The following ADGRV1 variants were observed in gnomAD, a reference collection of about 807,000 sequenced individuals.
The protein encoded by ADGRV1 is G-protein coupled receptor 98.
A neutral mutation model predicts 596.2 loss-of-function variants in ADGRV1; 359 were observed. The ratio of observed to expected loss-of-function variants is 0.60; its 90% CI spans 0.55 to 0.66. The LOEUF (loss-of-function observed/expected upper bound fraction) is 0.66, where lower values mean the gene tolerates loss of function less well. ADGRV1 is among the 30% of genes least tolerant of loss of function. The pLI is 0.00. For synonymous variants in ADGRV1, 2,681 were observed against 2,679.2 expected, an observed-to-expected ratio of 1.00 and a Z score of -0.02; for missense variants, 7,274 against 7,575.6, an observed-to-expected ratio of 0.96 and a Z score of 1.48.
At chr5:90,867,597 A>C (rs1561871086) in intron 83 of ADGRV1, among the ~76,000 whole-genome samples, 1 of 152,200 alleles carries the variant, frequency 6.6e-6, no homozygotes, top group Non-Finnish European at 1.5e-5. Flanking sequence ...ATCTTTGTGC[A>C]TGACTAAAGG....
chr5:90,822,013 G>C (rs1465089899), intron 75 of ADGRV1: 1 of 157,396 alleles, frequency 6.4e-6, no homozygotes, highest in African/African-American at 2.4e-5. Context: ...CCCTCCCCCA[G>C]CCTCGCTGCC....
intron 34 of ADGRV1, among the ~76,000 whole-genome samples, chr5:90,698,572 A>T (rs1561549525): frequency 6.6e-6 from 1 of 152,146 alleles, no homozygotes; most frequent in Non-Finnish European, 1.5e-5. Flanking sequence ...TTTGAGTTGG[A>T]AGCATAATGA....
intron 87 of ADGRV1, among the ~76,000 whole-genome samples, chr5:91,145,360 C>G (rs1454222532): frequency 3.3e-5 from 5 of 152,346 alleles, no homozygotes; most frequent in African/African-American, 1.2e-4. Flanking sequence ...GTTTCCCGAT[C>G]TAGCTTTTAC....
chr5:90,807,069 T>A (rs748670058), intron 72 of ADGRV1, among the ~76,000 whole-genome samples: 56 of 152,060 alleles, frequency 3.7e-4, no homozygotes, highest in Non-Finnish European at 6.2e-4. Context: ...GCCAGGCTGG[T>A]CTCAAACTCC....
chr5:90,716,561 C>T lies in ADGRV1; in HGVS notation c.9279C>T (p.Tyr3093=), dbSNP rs368882324. The change falls in exon 43 of 90, where the codon TAC becomes TAT. Residue 3093 remains tyrosine (Y), a synonymous_variant. Transcript: ENST00000405460. The part of the protein sequence containing the change: ...HFFLREPTAL[Y]VQESVAVLYI... ...TCCTAAGAGAGCCAACAGCTCTCTA[C>T]GTCCAGGAGAGTGTTGCAGTATTGT... The T allele has an allele frequency of 1.1e-5, 18 of 1,613,066 alleles. No individual in the cohort carries two copies. The Admixed American group carries it at 1.2e-4, about 10-fold the overall frequency.
chr5:91,005,090 TG>T (rs1187285054), intron 85 of ADGRV1, among the ~76,000 whole-genome samples: 1 of 152,224 alleles, frequency 6.6e-6, no homozygotes, highest in African/African-American at 2.4e-5. Context: ...GTGGATATTT[TG>T]TATATTTTCT....
chr5:90,876,211 C>G (rs1057478754), intron 83 of ADGRV1, among the ~76,000 whole-genome samples: 3 of 152,074 alleles, frequency 2.0e-5, no homozygotes, highest in African/African-American at 7.2e-5. Context: ...TAAGATATAA[C>G]AATCACAAAT....
rs1307417592 is a variant in ADGRV1, at chr5:90,614,930, G to T, written c.118G>T (p.Glu40Ter). The part of the protein sequence containing the change: ...ETEIRFTGQT[E>*]FVVNETSTTV... Reference sequence around the variant, plus strand: ...AGAAATAAGATTTACTGGACAAACTGAATTTGTTGTTAATGAAACAAGTAC... The same window carrying T: ...AGAAATAAGATTTACTGGACAAACTTAATTTGTTGTTAATGAAACAAGTAC... The change falls in exon 2 of 90, where the codon GAA becomes TAA. Residue 40 changes from glutamate (E) to a stop codon, truncating the protein, a stop_gained. Transcript: ENST00000405460. LOFTEE classifies it high-confidence loss of function. The T allele has an allele frequency of 1.9e-5, 31 of 1,600,532 alleles. No individual in the cohort carries two copies. Among genetic ancestry groups the T allele is most frequent in the Non-Finnish European group, 2.6e-5 (30 of 1,171,702 alleles).
chr5:90,853,372 G>A lies in ADGRV1; in HGVS notation c.17293G>A (p.Gly5765Arg), dbSNP rs752056049. ...GCAAATCAATGGACACAAGTTTGAA[G>A]GAAAGGAAGGAGATTACATTCGAAT... ...PQQINGHKFE[G>R]KEGDYIRIPE... The change falls in exon 80 of 90, where the codon GGA (glycine) becomes AGA (arginine). Residue 5765 changes from glycine to arginine, a missense_variant. Gly to Arg is a moderately radical substitution (Grantham distance 125). Transcript: ENST00000405460. The A allele has an allele frequency of 3.1e-6, 5 of 1,613,430 alleles. No individual in the cohort carries two copies. Among genetic ancestry groups the A allele is most frequent in the Non-Finnish European group, 3.4e-6 (4 of 1,179,592 alleles).
Position 90,791,324 on chromosome 5 carries a change from A to G in ADGRV1, c.14495A>G (p.Asp4832Gly). The change falls in exon 70 of 90, where the codon GAC becomes GGC. Residue 4832 changes from aspartate to glycine, a missense_variant. Asp to Gly is a moderately conservative substitution (Grantham distance 94, BLOSUM62 -1). This residue lies in a region of ADGRV1 where 1,874 missense variants were observed against 1,970.2 expected (regional missense o/e 0.95). Transcript: ENST00000405460. ...VVKDGATYKV[D>G]VVPIKNQVFL... ...AAAGATGGTGCCACATATAAAGTGG[A>G]CGTGGTGCCAATAAAGAATCAGGTT... The G allele has an allele frequency of 6.4e-7, 1 of 1,569,956 alleles. No homozygotes were observed. Among genetic ancestry groups the G allele is most frequent in the Non-Finnish European group, 8.6e-7 (1 of 1,156,208 alleles).
chr5:91,141,919 C>A (rs1477024229), intron 87 of ADGRV1, among the ~76,000 whole-genome samples: 7 of 152,154 alleles, frequency 4.6e-5, no homozygotes, highest in Admixed American at 3.9e-4. Context: ...AAGCCAGAGA[C>A]AGCCAGGATG....
chr5:90,983,476 C>T (rs12514684), intron 84 of ADGRV1, among the ~76,000 whole-genome samples: 76,060 of 151,944 alleles, frequency 0.5, 20,646 homozygotes, highest in African/African-American at 0.71. Context: ...GTTACGATGT[C>T]ACATGGATGC....
intron 20 of ADGRV1, among the ~76,000 whole-genome samples, chr5:90,656,232 A>G (rs1769390185): frequency 6.6e-6 from 1 of 152,250 alleles, no homozygotes; most frequent in African/African-American, 2.4e-5. Flanking sequence ...TACATTTATA[A>G]GGCATTTTCC....
chr5:91,015,285 T>G (rs897220460), intron 85 of ADGRV1, among the ~76,000 whole-genome samples: 1 of 152,010 alleles, frequency 6.6e-6, no homozygotes, highest in Non-Finnish European at 1.5e-5. Flanking sequence ...TTACTGATGA[T>G]TGTTTTATGT....
In ADGRV1 at chr5:90,965,545, TCCCTCTC is replaced by T; in HGVS notation, c.17973+18_17973+24del. ...ATGCTCATTCAGGTTGGTACCTCATTCCCTCTCCCCGCCCCTTTAATCTTTTAATGAA... is the reference window on the plus strand; with the variant it reads ...ATGCTCATTCAGGTTGGTACCTCATTCCCGCCCCTTTAATCTTTTAATGAA... On this transcript the variant is annotated intron_variant, in intron 84 of 89. Transcript: ENST00000405460. The T allele has an allele frequency of 7.0e-7, 1 of 1,436,386 alleles. No homozygotes were observed. Among genetic ancestry groups the T allele is most frequent in the Non-Finnish European group, 9.8e-7 (1 of 1,019,774 alleles). The allele number at this position is 1,436,386 out of a possible 1,614,324, so 89.0% of individuals were successfully genotyped here. A position where few individuals can be genotyped will look rare whatever the true frequency, so the allele number is the denominator to read the frequency against.
intron 79 of ADGRV1, among the ~76,000 whole-genome samples, chr5:90,852,240 T>C (rs1166618245): frequency 1.3e-5 from 2 of 152,176 alleles, no homozygotes; most frequent in Non-Finnish European, 2.9e-5. Flanking sequence ...GATGTACCAC[T>C]ACAGGAAAAA....
At chr5:90,921,723 G>A (rs1039253438) in intron 83 of ADGRV1, among the ~76,000 whole-genome samples, 5 of 151,492 alleles carry the variant, frequency 3.3e-5, no homozygotes, top group Non-Finnish European at 7.4e-5. Flanking sequence ...CTAAGCTGCT[G>A]GAACAAGATA....
At chr5:91,036,578 C>G (rs1209583962) in intron 85 of ADGRV1, among the ~76,000 whole-genome samples, 2 of 145,618 alleles carry the variant, frequency 1.4e-5, no homozygotes, top group African/African-American at 2.5e-5. Context: ...AAAAAAAAAA[C>G]GGCCAGGCCT....
intron 85 of ADGRV1, among the ~76,000 whole-genome samples, chr5:91,045,112 A>G (rs942670983): frequency 6.6e-6 from 1 of 152,150 alleles, no homozygotes; most frequent in Non-Finnish European, 1.5e-5. Context: ...GACATTCAAA[A>G]AGAAGAATTG....
Sources: gnomAD v4.1 joint callset for allele counts (sites outside exome capture counted in the v4.1 genomes callset) on GRCh38, gnomAD v4.1.1 for gene constraint, gnomAD v4.1.1 regional missense constraint, MANE v1.5 for transcripts, NCBI Gene and HGNC (gene_info 2026-07-23, HGNC 2026-07-21) for gene names.